Variants in BBS9 observed in about 807,000 individuals in gnomAD.
BBS9 encodes the protein protein PTHB1.
A neutral mutation model predicts 117.7 loss-of-function variants in BBS9; 89 were observed. The ratio of observed to expected loss-of-function variants is 0.76; its 90% confidence interval spans 0.64 to 0.90. The LOEUF is 0.90. BBS9 is among the 40% of genes least tolerant of loss of function. BBS9 has a pLI of 0.00. For synonymous variants in BBS9, 379 were observed against 370.9 expected, an observed-to-expected ratio of 1.02 and a Z score of -0.25; for missense variants, 982 against 1,042.2, an observed-to-expected ratio of 0.94 and a Z score of 0.80.
chr7:33,400,511 A>C (rs114031490), intron 19 of BBS9, among the ~76,000 whole-genome samples: 1,654 of 152,178 alleles, frequency 0.011, 27 homozygotes, highest in African/African-American at 0.031. Context: ...TGAATTAGCG[A>C]TTATTACAAC....
chr7:33,457,501 A>C (rs41323949), intron 19 of BBS9, among the ~76,000 whole-genome samples: 19,264 of 152,178 alleles, frequency 0.13, 1,368 homozygotes, highest in Non-Finnish European at 0.15. Flanking sequence ...CTGTCACTAT[A>C]GTCACTCAAT....
At chr7:33,370,628 A>G (rs1269257611) in intron 17 of BBS9, among the ~76,000 whole-genome samples, 1 of 152,208 alleles carries the variant, frequency 6.6e-6, no homozygotes, top group African/African-American at 2.4e-5. Flanking sequence ...GTGGATGTCT[A>G]TAATTTCGAG....
intron 21 of BBS9, among the ~76,000 whole-genome samples, chr7:33,634,492 C>T (rs1051824478): frequency 2.0e-5 from 3 of 152,182 alleles, no homozygotes; most frequent in Admixed American, 6.5e-5. Flanking sequence ...AAATACTTTG[C>T]ATCCTTCCCG....
intron 2 of BBS9, among the ~76,000 whole-genome samples, chr7:33,147,376 A>G (rs1792585371): frequency 6.6e-6 from 1 of 152,140 alleles, no homozygotes; most frequent in Non-Finnish European, 1.5e-5. Context: ...TTTCTTGCCT[A>G]TAATTAAAAC....
At chr7:33,407,959 C>T (rs1037583662) in intron 19 of BBS9, among the ~76,000 whole-genome samples, 1 of 152,328 alleles carries the variant, frequency 6.6e-6, no homozygotes, top group South Asian at 2.1e-4. Context: ...CCACTGCTCT[C>T]CTCAAAGCTG....
intron 4 of BBS9, among the ~76,000 whole-genome samples, chr7:33,169,696 A>G (rs1452920041): frequency 6.6e-6 from 1 of 151,810 alleles, no homozygotes; most frequent in Non-Finnish European, 1.5e-5. Context: ...AGTTCATTGT[A>G]GATTCTGGAT....
Position 33,210,410 on chromosome 7 carries a change from A to G in BBS9, c.442+32819A>G, listed in dbSNP as rs567962740. 9.2e-5 allele frequency among the ~76,000 whole-genome samples: 14 copies of G among 152,336 alleles called. No individual in the cohort carries two copies. The East Asian group carries it at 2.7e-3, about 29-fold the overall frequency. On this transcript the variant is annotated intron_variant, in intron 5 of 22. Coordinates refer to ENST00000242067, the MANE Select transcript of BBS9 (RefSeq NM_198428.3). The stretch of plus-strand genomic sequence containing the variant: ...TTTTGTAAATGTCTCCATTTGGTCT[A>G]TAGTGCAGATTAAATCCAATATTTC...
chr7:33,589,449 G>A (rs921349493), intron 21 of BBS9, among the ~76,000 whole-genome samples: 1 of 152,116 alleles, frequency 6.6e-6, no homozygotes, highest in African/African-American at 2.4e-5. Flanking sequence ...CAGCAAAACT[G>A]CAGATTACTG....
chr7:33,545,907 C>A (rs1853261050), intron 21 of BBS9, among the ~76,000 whole-genome samples: 1 of 146,082 alleles, frequency 6.8e-6, no homozygotes, highest in African/African-American at 2.5e-5. Flanking sequence ...TCATACTATA[C>A]CTACTGCTTT....
chr7:33,177,147 C>A (rs1797439557), intron 4 of BBS9, among the ~76,000 whole-genome samples: 1 of 151,948 alleles, frequency 6.6e-6, no homozygotes, highest in South Asian at 2.1e-4. Flanking sequence ...ATGCAGAGAA[C>A]TTATTTATTT....
intron 19 of BBS9, among the ~76,000 whole-genome samples, chr7:33,479,696 T>G (rs1842268075): frequency 6.6e-6 from 1 of 152,258 alleles, no homozygotes; most frequent in South Asian, 2.1e-4. Flanking sequence ...CTCTCCACAG[T>G]GGCTGAACTA....
At chr7:33,582,774 A>C (rs1031347) in intron 21 of BBS9, among the ~76,000 whole-genome samples, 47,819 of 151,974 alleles carry the variant, frequency 0.31, 11,077 homozygotes, top group African/African-American at 0.65. Context: ...GGGTGATGAA[A>C]GACTTTTCTT....
At chr7:33,359,347 A>C (rs1820205435) in intron 16 of BBS9, among the ~76,000 whole-genome samples, 1 of 152,128 alleles carries the variant, frequency 6.6e-6, no homozygotes. Flanking sequence ...ATAAAAACAC[A>C]TGCCTTTGAG....
rs1825497804 is a variant in BBS9, at chr7:33,383,704, T to G, written c.1828T>G (p.Trp610Gly). 1.2e-6 allele frequency: 2 copies of G among 1,610,740 alleles called. No homozygotes were observed. Among genetic ancestry groups the G allele is most frequent in the South Asian group, 1.1e-5 (1 of 90,550 alleles). The part of the protein sequence containing the change: ...RIQSEQFEDL[W>G]LITNELILRL... ...TCAGAGTGAACAATTTGAAGATCTTTGGCTCATAACCAATGAGCTTATTCT... is the reference window on the plus strand; with the variant it reads ...TCAGAGTGAACAATTTGAAGATCTTGGGCTCATAACCAATGAGCTTATTCT... Residue 610 changes from tryptophan to glycine, a missense_variant, in exon 18 of 23, where the codon TGG becomes GGG. Physicochemically the swap from Trp to Gly is radical, Grantham distance 184. Transcript: ENST00000242067.
chr7:33,586,980 G>A (rs1390232321), intron 21 of BBS9, among the ~76,000 whole-genome samples: 1 of 152,004 alleles, frequency 6.6e-6, no homozygotes, highest in East Asian at 1.9e-4. Flanking sequence ...CCATTCATAC[G>A]CCAAGCTTCA....
intron 21 of BBS9, among the ~76,000 whole-genome samples, chr7:33,540,582 G>A (rs925602169): frequency 6.6e-6 from 1 of 152,066 alleles, no homozygotes; most frequent in Admixed American, 6.6e-5. Context: ...TATAACTTTT[G>A]TAAAAAGGCC....
At chr7:33,196,570 A>G (rs79510947) in intron 5 of BBS9, among the ~76,000 whole-genome samples, 2,036 of 152,316 alleles carry the variant, frequency 0.013, 49 homozygotes, top group African/African-American at 0.047. Flanking sequence ...AGTGAACCAT[A>G]TGGCCCTTAT....
intron 5 of BBS9, among the ~76,000 whole-genome samples, chr7:33,244,685 G>T (rs1795064522): frequency 6.6e-6 from 1 of 152,136 alleles, no homozygotes; most frequent in African/African-American, 2.4e-5. Context: ...ACCCATTGCG[G>T]TATAGAGGTT....
chr7:33,175,949 G>A (rs1025651140), intron 4 of BBS9, among the ~76,000 whole-genome samples: 2 of 152,154 alleles, frequency 1.3e-5, no homozygotes, highest in Admixed American at 1.3e-4. Context: ...TCTGTACACA[G>A]AAGGCAAGTT....
Sources: allele counts gnomAD v4.1 joint callset (sites outside exome capture counted in the v4.1 genomes callset), GRCh38; gene constraint gnomAD v4.1.1; transcripts MANE v1.5; gene names NCBI Gene and HGNC (gene_info 2026-07-23, HGNC 2026-07-21).